TNPO2: variants seen among roughly 807,000 people sequenced by gnomAD.
TNPO2 encodes the protein transportin-2.
A neutral mutation model predicts 111.1 loss-of-function variants in TNPO2; 16 were observed. The observed-to-expected ratio is 0.14, with a 90% CI of 0.10 to 0.22. TNPO2 has a LOEUF of 0.22. Among genes scored for constraint, TNPO2 ranks in the 10% least tolerant of loss-of-function variants. The probability of loss-of-function intolerance (pLI) is 1.00; values close to 1 mark genes in which losing one functional copy is unlikely to be tolerated. For synonymous variants in TNPO2, 481 were observed against 475.8 expected (o/e 1.01, Z -0.14); for missense variants, 530 against 1,173.7 (o/e 0.45, Z 8.01).
At chr19:12,713,901 G>A (rs564704521) in intron 10 of TNPO2, among the ~76,000 whole-genome samples, 4 of 152,020 alleles carry the variant, frequency 2.6e-5, no homozygotes, top group Non-Finnish European at 4.4e-5. Flanking sequence ...GTGGTGGGAT[G>A]TGCCTGTAAT....
In TNPO2 at chr19:12,723,332, C is replaced by G. The variant is rs1967129367; in HGVS notation, c.-97G>C. On this transcript the variant is annotated 5_prime_UTR_variant, in exon 2 of 26. Coordinates refer to ENST00000425528, the MANE Select transcript of TNPO2 (RefSeq NM_001382241.1). The stretch of plus-strand genomic sequence containing the variant: ...AAAGAAATCTTCTTGATCCTTGCGA[C>G]GTCTGAAGACAGTAGGGCACCGTTT... The G allele has an allele frequency of 6.6e-6, 1 of 152,136 alleles. No homozygotes were observed. The highest frequency in any genetic ancestry group is 1.5e-5 in the Non-Finnish European group (1 of 68,032). 9.4% of individuals were successfully genotyped at this position (152,136 alleles called of 1,614,324 possible). A position where few individuals can be genotyped will look rare whatever the true frequency, so the allele number is the denominator to read the frequency against.
Position 12,714,847 on chromosome 19 carries a change from C to A in TNPO2, c.864G>T (p.Lys288Asn). 2 of 1,613,814 alleles carry A rather than the reference C, an allele frequency of 1.2e-6. No individual in the cohort carries two copies. Among genetic ancestry groups the A allele is most frequent in the Non-Finnish European group, 1.7e-6 (2 of 1,179,764 alleles). The part of the protein sequence containing the change: ...WLTLAEQPIC[K>N]EVLASHLVQL... Reference sequence around the variant, plus strand: ...GGACCAGATGGGAGGCCAGGACTTCCTTGCAGATGGGCTGCTCGGCCAGCG... The same window carrying A: ...GGACCAGATGGGAGGCCAGGACTTCATTGCAGATGGGCTGCTCGGCCAGCG... The change falls in exon 10 of 26, where the codon AAG becomes AAT. Residue 288 changes from lysine to asparagine, a missense_variant. Transcript: ENST00000425528.
intron 2 of TNPO2, among the ~76,000 whole-genome samples, 200 bp downstream of exon 2, chr19:12,723,049 A>C (rs1360605066): frequency 6.6e-6 from 1 of 152,206 alleles, no homozygotes; most frequent in African/African-American, 2.4e-5. Flanking sequence ...CCCAGAGACA[A>C]AGGAAAGAAA....
chr19:12,721,264 G>T lies in TNPO2; in HGVS notation c.-13-274C>A. On this transcript the variant is annotated intron_variant, in intron 2 of 25. Coordinates refer to ENST00000425528, the MANE Select transcript of TNPO2 (RefSeq NM_001382241.1). The surrounding 1 kb of genome is among the most constrained non-coding windows in gnomAD (Gnocchi z 4.9). ...CCGGCGGATCCTCATGGGACCCAGC[G>T]AAGAGCCCTCGTCCCAGGGTGGCCC... 7.7e-7 allele frequency: 1 copy of T among 1,295,834 alleles called. No homozygotes were observed. Among genetic ancestry groups the T allele is most frequent in the Non-Finnish European group, 9.8e-7 (1 of 1,016,352 alleles). 80.3% of individuals were successfully genotyped at this position (1,295,834 alleles called of 1,614,324 possible).
chr19:12,710,809 G>A (rs775042340), intron 12 of TNPO2, 36 bp from the exon 13 acceptor site: 31 of 1,571,168 alleles, frequency 2.0e-5, no homozygotes, highest in African/African-American at 2.7e-5. Context: ...GCTCAGGGCG[G>A]CCCCTCAGGC....
chr19:12,711,452 C>T lies in TNPO2; in HGVS notation c.961G>A (p.Glu321Lys). ...IDIILLKGDVEEDEAVPDSEQ... is the reference protein window; with the variant it reads ...IDIILLKGDVKEDEAVPDSEQ... ...CTGTCGGGGACAGCCTCATCCTCCT[C>T]CACATCCCCCTGGGGGACAGGCAGA... The change falls in exon 12 of 26, where the codon GAG becomes AAG. Residue 321 changes from glutamate to lysine, a missense_variant. Glu to Lys is a moderately conservative substitution (Grantham distance 56, BLOSUM62 1). Coordinates refer to ENST00000425528, the MANE Select transcript of TNPO2 (RefSeq NM_001382241.1). The T allele has an allele frequency of 6.2e-7, 1 of 1,613,980 alleles. No individual in the cohort carries two copies. The highest frequency in any genetic ancestry group is 8.5e-7 in the Non-Finnish European group (1 of 1,179,878).
Position 12,721,583 on chromosome 19 carries a change from T to C in TNPO2, c.-13-593A>G. ...CTCTCCTGTCCCCTGTTCCTGCCCTTCAAGCTCAGTGGATGCCAGATATCC... is the reference window on the plus strand; with the variant it reads ...CTCTCCTGTCCCCTGTTCCTGCCCTCCAAGCTCAGTGGATGCCAGATATCC... On this transcript the variant is annotated intron_variant, in intron 2 of 25. Coordinates refer to ENST00000425528, the MANE Select transcript of TNPO2 (RefSeq NM_001382241.1). The surrounding 1 kb of genome is among the most constrained non-coding windows in gnomAD (Gnocchi z 4.9). 1 of 270,286 alleles carries C rather than the reference T, an allele frequency of 3.7e-6. No homozygotes were observed. The highest frequency in any genetic ancestry group is 7.3e-6 in the Non-Finnish European group (1 of 136,608). The allele number at this position is 270,286 out of a possible 1,614,324, so 16.7% of individuals were successfully genotyped here.
Position 12,715,370 on chromosome 19 carries a change from A to T in TNPO2, c.566+35T>A. 6.2e-7 allele frequency: 1 copy of T among 1,613,744 alleles called. No homozygotes were observed. The highest frequency in any genetic ancestry group is 8.5e-7 in the Non-Finnish European group (1 of 1,179,786). On this transcript the variant is annotated intron_variant, in intron 7 of 25. Coordinates refer to ENST00000425528, the MANE Select transcript of TNPO2 (RefSeq NM_001382241.1). This position sits in a 1 kb window ranked among gnomAD's most constrained non-coding sequence, Gnocchi z 7.1. ...GGGTCACCCTGACCCTGCCCACTCCAGGCTCCCTGGAAGCCCCCAGGGAGC... is the reference window on the plus strand; with the variant it reads ...GGGTCACCCTGACCCTGCCCACTCCTGGCTCCCTGGAAGCCCCCAGGGAGC...
rs765968488 is a variant in TNPO2, at chr19:12,719,134, C to T, written c.220G>A (p.Val74Met). 6.2e-7 allele frequency: 1 copy of T among 1,613,938 alleles called. No homozygotes were observed. The highest frequency in any genetic ancestry group is 8.5e-7 in the Non-Finnish European group (1 of 1,179,908). The change falls in exon 5 of 26, where the codon GTG (valine) becomes ATG (methionine). Residue 74 changes from valine to methionine, a missense_variant. Val to Met is a conservative substitution (Grantham distance 21, BLOSUM62 1). Around this residue, in one of 4 missense-constraint regions of TNPO2, gnomAD observed 156 missense variants for 405.8 expected, o/e 0.38. Transcript: ENST00000425528. This position sits in a 1 kb window ranked among gnomAD's most constrained non-coding sequence, Gnocchi z 5.0. ...GGGAAGCTCTGATAGTGTGCCTTCA[C>T]GTTGTTCTTGAGGATGAGGCCACTG... ...SLSGLILKNN[V>M]KAHYQSFPPP...
rs768358090 is a variant in TNPO2, at chr19:12,721,326, A to G, written c.-13-336T>C. 47 of 1,277,904 alleles carry G rather than the reference A, an allele frequency of 3.7e-5. No homozygotes were observed. Among genetic ancestry groups the G allele is most frequent in the Non-Finnish European group, 6.1e-6 (6 of 990,728 alleles). 79.2% of individuals were successfully genotyped at this position (1,277,904 alleles called of 1,614,324 possible). A position where few individuals can be genotyped will look rare whatever the true frequency, so the allele number is the denominator to read the frequency against. On this transcript the variant is annotated intron_variant, in intron 2 of 25. Transcript: ENST00000425528. This position sits in a 1 kb window ranked among gnomAD's most constrained non-coding sequence, Gnocchi z 4.9. ...CCCGGCTCCGAGCCCGAAGGCTTCC[A>G]CCTCCCTCGCAGCGGCTGGGCGAGG... is the stretch of plus-strand genomic sequence containing the variant.
At chr19:12,707,383 G>A (rs776640536) in intron 13 of TNPO2, among the ~76,000 whole-genome samples, 3 of 151,230 alleles carry the variant, frequency 2.0e-5, no homozygotes, top group Non-Finnish European at 2.9e-5. Context: ...AATTGGCTCC[G>A]TTACATAGTG....
At chr19:12,704,242 G>A (rs767570900) in intron 18 of TNPO2, among the ~76,000 whole-genome samples, 28 of 152,224 alleles carry the variant, frequency 1.8e-4, no homozygotes, top group Admixed American at 1.5e-3. Flanking sequence ...AGTGGGACAC[G>A]CCTGTAGTCC....
Position 12,706,289 on chromosome 19 carries a change from A to G in TNPO2, c.1575T>C (p.Phe525=). 1 of 1,614,032 alleles carries G rather than the reference A, an allele frequency of 6.2e-7. No homozygotes were observed. Among genetic ancestry groups the G allele is most frequent in the East Asian group, 2.2e-5 (1 of 44,882 alleles). Reference sequence around the variant, plus strand: ...TCTTGTGCTGGTATTTCCCAAAGGCAAAGACAAGGGTGTCCAGGATGTAGC... The same window carrying G: ...TCTTGTGCTGGTATTTCCCAAAGGCGAAGACAAGGGTGTCCAGGATGTAGC... ...YLSYILDTLV[F]AFGKYQHKNL... Residue 525 remains phenylalanine, a synonymous_variant, in exon 15 of 26, where the codon TTT becomes TTC. Coordinates refer to ENST00000425528, the MANE Select transcript of TNPO2 (RefSeq NM_001382241.1). The surrounding 1 kb of genome is among the most constrained non-coding windows in gnomAD (Gnocchi z 7.0).
At position 12,706,871 on chromosome 19, in the gene TNPO2, C is replaced by T; in HGVS notation, c.1271-76G>A. 8.3e-7 allele frequency: 1 copy of T among 1,209,236 alleles called. No individual in the cohort carries two copies. The highest frequency in any genetic ancestry group is 1.2e-6 in the Non-Finnish European group (1 of 843,256). 74.9% of individuals were successfully genotyped at this position (1,209,236 alleles called of 1,614,324 possible). A position where few individuals can be genotyped will look rare whatever the true frequency, so the allele number is the denominator to read the frequency against. On this transcript the variant is annotated intron_variant, in intron 13 of 25. Transcript: ENST00000425528. This position sits in a 1 kb window ranked among gnomAD's most constrained non-coding sequence, Gnocchi z 7.0. ...CCCACCGTATGGAGAGAAGAGTCAG[C>T]CGCACACAACATATAGGGAAACTGA...
chr19:12,715,359 C>G lies in TNPO2; in HGVS notation c.567-35G>C. 4.3e-6 allele frequency: 7 copies of G among 1,613,944 alleles called. No individual in the cohort carries two copies. The highest frequency in any genetic ancestry group is 5.9e-6 in the Non-Finnish European group (7 of 1,179,868). On this transcript the variant is annotated intron_variant, in intron 7 of 25. Coordinates refer to ENST00000425528, the MANE Select transcript of TNPO2 (RefSeq NM_001382241.1). This position sits in a 1 kb window ranked among gnomAD's most constrained non-coding sequence, Gnocchi z 7.1. ...AGCAGACACGTGGGTCACCCTGACC[C>G]TGCCCACTCCAGGCTCCCTGGAAGC... is the stretch of plus-strand genomic sequence containing the variant.
intron 13 of TNPO2, among the ~76,000 whole-genome samples, chr19:12,708,291 C>T (rs1275703567): frequency 6.6e-6 from 1 of 151,908 alleles, no homozygotes; most frequent in African/African-American, 2.4e-5. Flanking sequence ...ACCACCACAC[C>T]TGGCTAATTT....
Position 12,706,013 on chromosome 19 carries a change from G to A in TNPO2, c.1668+183C>T, listed in dbSNP as rs941470475. 15 of 549,794 alleles carry A rather than the reference G, an allele frequency of 2.7e-5. No homozygotes were observed. The highest frequency in any genetic ancestry group is 3.5e-5 in the Non-Finnish European group (12 of 342,356). The allele number at this position is 549,794 out of a possible 1,614,324, so 34.1% of individuals were successfully genotyped here. On this transcript the variant is annotated intron_variant, in intron 15 of 25. Transcript: ENST00000425528. This position sits in a 1 kb window ranked among gnomAD's most constrained non-coding sequence, Gnocchi z 7.0. Reference sequence around the variant, plus strand: ...GTTCCCGAAGCACAGCACTTACCACGCTGTCTCATAACTGTCTTTCTCCCC... The same window carrying A: ...GTTCCCGAAGCACAGCACTTACCACACTGTCTCATAACTGTCTTTCTCCCC...
At chr19:12,712,169 G>C (rs571976678) in intron 10 of TNPO2, among the ~76,000 whole-genome samples, 4 of 152,330 alleles carry the variant, frequency 2.6e-5, no homozygotes, top group Non-Finnish European at 5.9e-5. Flanking sequence ...CAGAAGACAA[G>C]AGTGCGAGCC....
chr19:12,715,024 G>A lies in TNPO2; in HGVS notation c.771+23C>T. ...CCACCGGCCCCCTGCCTGCCCGCCT[G>A]GGCTGGCCTTGACCATGCACACCTG... On this transcript the variant is annotated intron_variant, in intron 9 of 25. Coordinates refer to ENST00000425528, the MANE Select transcript of TNPO2 (RefSeq NM_001382241.1). This position sits in a 1 kb window ranked among gnomAD's most constrained non-coding sequence, Gnocchi z 7.1. 1 of 1,573,472 alleles carries A rather than the reference G, an allele frequency of 6.4e-7. No individual in the cohort carries two copies. The highest frequency in any genetic ancestry group is 8.6e-7 in the Non-Finnish European group (1 of 1,160,984).
Sources: gnomAD v4.1 joint callset for allele counts (sites outside exome capture counted in the v4.1 genomes callset) on GRCh38, gnomAD v4.1.1 for gene constraint, gnomAD v4.1.1 regional missense constraint, Gnocchi (gnomAD v3.1) non-coding constraint, MANE v1.5 for transcripts, NCBI Gene and HGNC (gene_info 2026-07-23, HGNC 2026-07-21) for gene names.